The following NRXN3 variants were observed in gnomAD, a reference collection of about 807,000 sequenced individuals.
NRXN3 encodes neurexin 3.
In NRXN3, 32 loss-of-function variants were observed where a neutral mutation model predicts 137.6. The ratio of observed to expected loss-of-function variants is 0.23; its 90% CI spans 0.18 to 0.31. The LOEUF is 0.31. Ranked by LOEUF, NRXN3 falls within the 10% of genes least tolerant of loss-of-function variation. The pLI is 1.00. For missense variants in NRXN3, 1,574 were observed against 2,062.5 expected (o/e 0.76, Z 4.59); for synonymous variants, 798 against 784.5 (o/e 1.02, Z -0.29).
chr14:79,150,304 A>G (rs369631139), intron 15 of NRXN3, among the ~76,000 whole-genome samples: 1 of 151,930 alleles, frequency 6.6e-6, no homozygotes, highest in African/African-American at 2.4e-5. Flanking sequence ...AAAATTGTGC[A>G]TTTCTCACTC....
intron 4 of NRXN3, among the ~76,000 whole-genome samples, chr14:78,399,151 A>G (rs2091805799): frequency 1.3e-5 from 2 of 152,188 alleles, no homozygotes; most frequent in South Asian, 4.1e-4. Flanking sequence ...AACACAGAAA[A>G]CTTATTGCTG....
intron 8 of NRXN3, among the ~76,000 whole-genome samples, chr14:78,778,744 T>TCTC (rs2098755172): frequency 7.2e-6 from 1 of 138,362 alleles, no homozygotes; most frequent in Non-Finnish European, 1.6e-5. Flanking sequence ...CTCTCTTTCT[T>TCTC]TCTTTCCTTC....
At chr14:79,817,666 C>T (rs1463259198) in intron 20 of NRXN3, among the ~76,000 whole-genome samples, 2 of 152,018 alleles carry the variant, frequency 1.3e-5, no homozygotes, top group Non-Finnish European at 2.9e-5. Context: ...GATCTGAACC[C>T]AAGCCAACTG....
At chr14:78,821,152 C>A (rs1339877066) in intron 10 of NRXN3, among the ~76,000 whole-genome samples, 1 of 152,034 alleles carries the variant, frequency 6.6e-6, no homozygotes, top group South Asian at 2.1e-4. Context: ...GGGATCACTG[C>A]AAAGGTAACG....
chr14:79,394,829 A>G (rs1006004036), intron 15 of NRXN3, among the ~76,000 whole-genome samples: 1 of 152,212 alleles, frequency 6.6e-6, no homozygotes, highest in Admixed American at 6.5e-5. Context: ...TATTTTATTT[A>G]TGAGGACTCT....
intron 15 of NRXN3, among the ~76,000 whole-genome samples, chr14:79,079,168 C>A (rs770185345): frequency 9.2e-5 from 14 of 152,154 alleles, no homozygotes; most frequent in Non-Finnish European, 1.3e-4. Context: ...GTTGAGGATG[C>A]CATTGCCTAT....
At chr14:79,833,699 G>A (rs772465019) in intron 20 of NRXN3, among the ~76,000 whole-genome samples, 6 of 152,104 alleles carry the variant, frequency 3.9e-5, no homozygotes, top group Non-Finnish European at 7.4e-5. Context: ...ATATTGCATG[G>A]ACTCTATCAG....
chr14:79,479,408 A>G (rs1376916808), intron 16 of NRXN3, among the ~76,000 whole-genome samples: 1 of 152,062 alleles, frequency 6.6e-6, no homozygotes, highest in Non-Finnish European at 1.5e-5. Flanking sequence ...TTAAGTAACC[A>G]TTTGTTAAAG....
intron 16 of NRXN3, among the ~76,000 whole-genome samples, chr14:79,526,396 T>C: frequency 6.6e-6 from 1 of 152,166 alleles, no homozygotes; most frequent in Non-Finnish European, 1.5e-5. Flanking sequence ...GATCTTGATA[T>C]ATTGCCCAGC....
At chr14:78,245,726 C>G (rs138072525) in intron 2 of NRXN3, among the ~76,000 whole-genome samples, 27 of 152,318 alleles carry the variant, frequency 1.8e-4, no homozygotes, top group Non-Finnish European at 3.7e-4. Context: ...ATTGCAGGAG[C>G]TGCCTGGGTC....
chr14:78,321,606 T>C (rs2079377730), intron 4 of NRXN3, among the ~76,000 whole-genome samples: 3 of 152,108 alleles, frequency 2.0e-5, no homozygotes, highest in Admixed American at 2.0e-4. Context: ...CTGAGACAGC[T>C]GTTGAAAGCA....
At chr14:79,184,067 C>T (rs1250157198) in intron 15 of NRXN3, among the ~76,000 whole-genome samples, 2 of 152,178 alleles carry the variant, frequency 1.3e-5, no homozygotes, top group African/African-American at 4.8e-5. Context: ...ACAACCTACC[C>T]TCCACATAGA....
intron 16 of NRXN3, among the ~76,000 whole-genome samples, chr14:79,572,550 C>G (rs1245738588): frequency 6.6e-6 from 1 of 152,072 alleles, no homozygotes; most frequent in Non-Finnish European, 1.5e-5. Flanking sequence ...TAGAAGAAAA[C>G]CAGCTCAGGA....
chr14:78,368,559 G>A (rs757108655), intron 4 of NRXN3, among the ~76,000 whole-genome samples: 1 of 152,192 alleles, frequency 6.6e-6, no homozygotes, highest in East Asian at 1.9e-4. Context: ...GCCAGGCACT[G>A]TGGCGAGCAC....
At chr14:78,945,085 CA>C (rs1428776292) in intron 10 of NRXN3, among the ~76,000 whole-genome samples, 1 of 152,130 alleles carries the variant, frequency 6.6e-6, no homozygotes, top group Non-Finnish European at 1.5e-5. Flanking sequence ...TGTTACTTCC[CA>C]TCCTATAGGT....
At chr14:78,806,391 TTG>T (rs2098869639) in intron 9 of NRXN3, among the ~76,000 whole-genome samples, 1 of 152,170 alleles carries the variant, frequency 6.6e-6, no homozygotes, top group Admixed American at 6.6e-5. Context: ...TGCCGTGAAT[TTG>T]TGTTTCATTT....
intron 4 of NRXN3, among the ~76,000 whole-genome samples, chr14:78,477,029 A>G (rs539511560): frequency 6.6e-6 from 1 of 152,282 alleles, no homozygotes; most frequent in Non-Finnish European, 1.5e-5. Context: ...GGGTGCTGCA[A>G]TCTCTTTAAC....
At chr14:79,237,704 AC>A (rs1234416262) in intron 15 of NRXN3, among the ~76,000 whole-genome samples, 2 of 152,098 alleles carry the variant, frequency 1.3e-5, no homozygotes, top group Non-Finnish European at 2.9e-5. Context: ...CAACTCATCC[AC>A]CCTACCCTGG....
chr14:78,834,194 A>C (rs1478996854), intron 10 of NRXN3, among the ~76,000 whole-genome samples: 3 of 152,188 alleles, frequency 2.0e-5, no homozygotes, highest in Admixed American at 6.5e-5. Flanking sequence ...TAGGAGCGAC[A>C]GGAAGCTTGA....
Sources: gnomAD v4.1 joint callset for allele counts (sites outside exome capture counted in the v4.1 genomes callset) on GRCh38, gnomAD v4.1.1 for gene constraint, MANE v1.5 for transcripts, NCBI Gene and HGNC (gene_info 2026-07-23, HGNC 2026-07-21) for gene names.